Variants in SCAMP2 observed in about 807,000 individuals in gnomAD.
SCAMP2 encodes secretory carrier-associated membrane protein 2.
A neutral mutation model predicts 44.1 loss-of-function variants in SCAMP2; 25 were observed. The ratio of observed to expected loss-of-function variants is 0.57; its 90% CI spans 0.41 to 0.79. SCAMP2 has a LOEUF of 0.79. SCAMP2 is among the 30% of genes least tolerant of loss of function. The pLI, the probability that SCAMP2 is intolerant of heterozygous loss-of-function variation, is 0.00. For synonymous variants in SCAMP2, 156 were observed against 166.0 expected (o/e 0.94, Z 0.46); for missense variants, 355 against 411.0 (o/e 0.86, Z 1.18).
intron 5 of SCAMP2, 145 bp downstream of exon 5, chr15:74,851,208 C>CA (rs1458214853): frequency 1.1e-5 from 10 of 901,898 alleles, no homozygotes; most frequent in Middle Eastern, 3.3e-4. Context: ...TGGGCAGAGG[C>CA]ATCTCCCCAA....
chr15:74,853,741 A>G (rs915048374), intron 3 of SCAMP2: 18 of 518,364 alleles, frequency 3.5e-5, no homozygotes, highest in African/African-American at 2.5e-4. Context: ...GAGGGGTACA[A>G]CAGGGACAAA....
intron 1 of SCAMP2, among the ~76,000 whole-genome samples, chr15:74,857,891 CG>C (rs2064477428): frequency 2.0e-5 from 3 of 152,312 alleles, no homozygotes; most frequent in Admixed American, 2.0e-4. Flanking sequence ...AGCAGCTCAG[CG>C]GTTTGAGAAG....
chr15:74,866,021 A>G (rs1306443338), intron 1 of SCAMP2, among the ~76,000 whole-genome samples: 1 of 63,600 alleles, frequency 1.6e-5, no homozygotes, highest in African/African-American at 7.2e-5. Context: ...GAAGGAAAGG[A>G]GGGAGGGAGG....
At chr15:74,845,707 C>G in intron 7 of SCAMP2, 114 bp from the exon 8 acceptor site, 1 of 1,318,080 alleles carries the variant, frequency 7.6e-7, no homozygotes, top group Non-Finnish European at 1.1e-6. Context: ...TTGGCATCTC[C>G]CCACAGCACA....
intron 1 of SCAMP2, among the ~76,000 whole-genome samples, chr15:74,854,977 T>G (rs915486078): frequency 5.9e-5 from 9 of 151,376 alleles, no homozygotes; most frequent in Non-Finnish European, 1.0e-4. Flanking sequence ...GGAGTGGGTT[T>G]TTTTTTTTTT....
intron 1 of SCAMP2, among the ~76,000 whole-genome samples, chr15:74,871,275 G>C (rs1458532394): frequency 6.6e-6 from 1 of 150,628 alleles, no homozygotes; most frequent in East Asian, 2.0e-4. Flanking sequence ...GCATCACAGC[G>C]AGACCCCTTC....
chr15:74,867,741 C>T (rs2064552731), intron 1 of SCAMP2, among the ~76,000 whole-genome samples: 1 of 152,214 alleles, frequency 6.6e-6, no homozygotes. Context: ...GGGAAGCAGC[C>T]ACAACACTGA....
At chr15:74,847,086 A>ATTTTTTTTTTTTTTTTTT (rs34231883) in intron 7 of SCAMP2, among the ~76,000 whole-genome samples, 1 of 109,280 alleles carries the variant, frequency 9.2e-6, no homozygotes, top group Non-Finnish European at 1.8e-5. Context: ...TTGTCAGTTA[A>ATTTTTTTTTTTTTTTTTT]TTTTTTTTTT....
At chr15:74,853,992 A>T (rs1345397642) in intron 3 of SCAMP2, 29 bp downstream of exon 3, 1 of 1,579,736 alleles carries the variant, frequency 6.3e-7, no homozygotes, top group African/African-American at 1.3e-5. Context: ...CACTGGAGAG[A>T]AAAGGCCAGA....
chr15:74,863,444 G>A (rs1243522705), intron 1 of SCAMP2, among the ~76,000 whole-genome samples: 5 of 151,520 alleles, frequency 3.3e-5, no homozygotes, highest in African/African-American at 4.9e-5. Flanking sequence ...CCAGGAGGTC[G>A]AGGCTGCAGT....
intron 1 of SCAMP2, among the ~76,000 whole-genome samples, chr15:74,872,412 CAA>C (rs532189299): frequency 1.2e-4 from 12 of 98,040 alleles, no homozygotes; most frequent in Non-Finnish European, 8.6e-5. Context: ...GACTCCGTCT[CAA>C]AAAAAAAAAA....
chr15:74,847,957 G>A (rs1458511250), intron 7 of SCAMP2, among the ~76,000 whole-genome samples: 4 of 152,162 alleles, frequency 2.6e-5, no homozygotes, highest in Non-Finnish European at 2.9e-5. Context: ...GGTGTGGCAG[G>A]AGAAAAGGAA....
chr15:74,862,294 T>A (rs62006635), intron 1 of SCAMP2, among the ~76,000 whole-genome samples: 89,894 of 90,490 alleles, frequency 0.99, 44,660 homozygotes, highest in Middle Eastern at 1. Context: ...AAAAAATTCC[T>A]GGCCAGGTGC....
intron 5 of SCAMP2, 51 bp downstream of exon 5, chr15:74,851,302 C>T: frequency 6.3e-7 from 1 of 1,596,646 alleles, no homozygotes; most frequent in Non-Finnish European, 8.6e-7. Flanking sequence ...ATGGGGCTCT[C>T]AAGTCACACC....
chr15:74,872,507 G>T (rs139591283), intron 1 of SCAMP2, among the ~76,000 whole-genome samples: 2 of 151,946 alleles, frequency 1.3e-5, no homozygotes, highest in African/African-American at 4.8e-5. Context: ...GTTCCCTGTG[G>T]GTCCAGAATT....
chr15:74,866,739 A>G (rs2064546396), intron 1 of SCAMP2, among the ~76,000 whole-genome samples: 2 of 151,076 alleles, frequency 1.3e-5, no homozygotes, highest in South Asian at 4.2e-4. Flanking sequence ...GCTCCTTTGG[A>G]CACTGCCCTG....
At chr15:74,853,831 G>T in intron 3 of SCAMP2, 190 bp downstream of exon 3, 1 of 598,120 alleles carries the variant, frequency 1.7e-6, no homozygotes, top group Non-Finnish European at 3.0e-6. Context: ...TGGGATGGAG[G>T]GAGTAAGGAT....
At chr15:74,865,994 G>A (rs1238815448) in intron 1 of SCAMP2, among the ~76,000 whole-genome samples, 7 of 85,492 alleles carry the variant, frequency 8.2e-5, no homozygotes, top group Non-Finnish European at 1.2e-4. Context: ...AAGGAAGGAA[G>A]GAAGGAAGGA....
chr15:74,873,117 T>C, intron 1 of SCAMP2, 82 bp downstream of exon 1: 1 of 1,232,784 alleles, frequency 8.1e-7, no homozygotes, highest in Non-Finnish European at 1.1e-6. Flanking sequence ...ACGCCACGTC[T>C]CCCGGCTCTA....
Sources: gnomAD v4.1 joint callset for allele counts (sites outside exome capture counted in the v4.1 genomes callset) on GRCh38, gnomAD v4.1.1 for gene constraint, MANE v1.5 for transcripts, NCBI Gene and HGNC (gene_info 2026-07-23, HGNC 2026-07-21) for gene names.